Variants in TAS2R1 observed in about 807,000 individuals in gnomAD.
The protein encoded by TAS2R1 is taste receptor type 2 member 1.
For missense variants in TAS2R1, 370 were observed against 353.4 expected (o/e 1.05, Z -0.38); for synonymous variants, 141 against 134.2 (o/e 1.05, Z -0.35).
the TAS2R1 span, among the ~76,000 whole-genome samples, chr5:9,873,337 C>T: frequency 3.3e-5 from 5 of 151,840 alleles, no homozygotes; most frequent in South Asian, 1.0e-3. Context: ...AGCATCTGGT[C>T]TGATTTCTCC....
the TAS2R1 span, among the ~76,000 whole-genome samples, chr5:9,853,928 CT>C: frequency 6.6e-6 from 1 of 152,178 alleles, no homozygotes; most frequent in African/African-American, 2.4e-5. Flanking sequence ...AGGGTTCTTC[CT>C]GTTTTTAATC....
the TAS2R1 span, among the ~76,000 whole-genome samples, chr5:9,868,338 A>G: frequency 6.6e-6 from 1 of 152,228 alleles, no homozygotes; most frequent in East Asian, 1.9e-4. Flanking sequence ...TCTGAAATCT[A>G]GGTTCCGAAT....
At chr5:9,837,560 C>T in the TAS2R1 span, among the ~76,000 whole-genome samples, 2 of 152,174 alleles carry the variant, frequency 1.3e-5, no homozygotes, top group Admixed American at 6.5e-5. Context: ...GCCCCTCGCC[C>T]TGTTTCCAGG....
the TAS2R1 span, among the ~76,000 whole-genome samples, chr5:9,786,529 C>T: frequency 4.6e-5 from 7 of 152,134 alleles, no homozygotes; most frequent in Non-Finnish European, 8.8e-5. Context: ...ACACGGTTCT[C>T]AACGTGGGCT....
At chr5:9,659,926 G>C (rs1214916906) in intron 1 of TAS2R1, 1 of 152,130 alleles carries the variant, frequency 6.6e-6, no homozygotes, top group Admixed American at 6.6e-5. Flanking sequence ...GCTCACCAGT[G>C]AGTCCCTCAA....
the TAS2R1 span, among the ~76,000 whole-genome samples, chr5:9,765,953 A>G: frequency 5.3e-5 from 8 of 152,230 alleles, no homozygotes; most frequent in Non-Finnish European, 5.9e-5. Context: ...ATTTCACTTT[A>G]TTAACATTTT....
the TAS2R1 span, among the ~76,000 whole-genome samples, chr5:9,802,375 G>A: frequency 6.6e-6 from 1 of 152,274 alleles, no homozygotes; most frequent in African/African-American, 2.4e-5. Context: ...TAGGTGAAGA[G>A]TGCAAAGACC....
the TAS2R1 span, among the ~76,000 whole-genome samples, chr5:9,746,086 C>G: frequency 1.3e-5 from 2 of 152,056 alleles, no homozygotes; most frequent in African/African-American, 4.8e-5. Flanking sequence ...AAAACCAACC[C>G]CATCGAAAAG....
chr5:9,715,437 GCAA>G (rs1734788417), upstream of TAS2R1, among the ~76,000 whole-genome samples: 1 of 152,244 alleles, frequency 6.6e-6, no homozygotes, highest in African/African-American at 2.4e-5. Flanking sequence ...GCCATTGGAA[GCAA>G]CAACAGAGGA....
At chr5:9,718,103 GCACA>G in the TAS2R1 span, among the ~76,000 whole-genome samples, 1 of 151,424 alleles carries the variant, frequency 6.6e-6, no homozygotes, top group African/African-American at 2.4e-5. Context: ...GGGACCACAG[GCACA>G]CGCCACCATG....
chr5:9,763,195 A>C, the TAS2R1 span, among the ~76,000 whole-genome samples: 1 of 152,196 alleles, frequency 6.6e-6, no homozygotes, highest in Non-Finnish European at 1.5e-5. Context: ...TTGCAAAAAA[A>C]GGGGAAGCTG....
At chr5:9,755,817 TATGGCATGTGTACACTGTC>T in the TAS2R1 span, among the ~76,000 whole-genome samples, 2 of 152,164 alleles carry the variant, frequency 1.3e-5, no homozygotes, top group East Asian at 3.9e-4. Context: ...CTGACATTGC[TATGGCATGTGTACACTGTC>T]ATGGCACTGG....
chr5:9,830,601 G>GCA, the TAS2R1 span, among the ~76,000 whole-genome samples: 3 of 61,476 alleles, frequency 4.9e-5, no homozygotes, highest in Non-Finnish European at 1.2e-4. Context: ...AGACACGTGC[G>GCA]CGCGCACACA....
upstream of TAS2R1, among the ~76,000 whole-genome samples, chr5:9,714,458 G>C (rs186710590): frequency 1.6e-3 from 238 of 152,340 alleles, 1 homozygote; most frequent in Admixed American, 2.7e-3. Flanking sequence ...TCATCAGCCA[G>C]TGCTACACCA....
intron 1 of TAS2R1, among the ~76,000 whole-genome samples, chr5:9,705,586 C>T (rs925337298): frequency 2.0e-5 from 3 of 152,084 alleles, no homozygotes; most frequent in Non-Finnish European, 4.4e-5. Flanking sequence ...TGGCCAAGCA[C>T]GGTGGTTCAC....
At chr5:9,820,578 T>C in the TAS2R1 span, among the ~76,000 whole-genome samples, 1 of 152,114 alleles carries the variant, frequency 6.6e-6, no homozygotes, top group Non-Finnish European at 1.5e-5. Flanking sequence ...ACTTTCTCTC[T>C]TAAATACCTG....
At chr5:9,807,990 G>T in the TAS2R1 span, among the ~76,000 whole-genome samples, 1 of 152,152 alleles carries the variant, frequency 6.6e-6, no homozygotes, top group African/African-American at 2.4e-5. Flanking sequence ...AAGAAGTGGG[G>T]TGTTGCTCTA....
the TAS2R1 span, among the ~76,000 whole-genome samples, chr5:9,770,391 A>G: frequency 6.6e-6 from 1 of 152,032 alleles, no homozygotes; most frequent in African/African-American, 2.4e-5. Context: ...CTATTTGGCT[A>G]TTTTGGGTCT....
At chr5:9,868,436 C>A in the TAS2R1 span, among the ~76,000 whole-genome samples, 5 of 152,234 alleles carry the variant, frequency 3.3e-5, no homozygotes, top group Admixed American at 3.3e-4. Context: ...GAAGCCACAG[C>A]CTGAGCTGTA....
Sources: gnomAD v4.1 joint callset for allele counts (sites outside exome capture counted in the v4.1 genomes callset) on GRCh38, gnomAD v4.1.1 for gene constraint, MANE v1.5 for transcripts, NCBI Gene and HGNC (gene_info 2026-07-23, HGNC 2026-07-21) for gene names.